The following GGNBP2 variants were observed in gnomAD, a reference collection of about 807,000 sequenced individuals.
GGNBP2 encodes gametogenetin-binding protein 2.
Under a neutral mutation model 85.9 loss-of-function variants are expected in GGNBP2, and 10 were observed. The observed-to-expected ratio is 0.12, with a 90% CI of 0.07 to 0.20. The LOEUF (loss-of-function observed/expected upper bound fraction) is 0.20, where lower values mean the gene tolerates loss of function less well. GGNBP2 is among the 10% of genes least tolerant of loss of function. The probability of loss-of-function intolerance (pLI) is 1.00; values close to 1 mark genes in which losing one functional copy is unlikely to be tolerated. For synonymous variants in GGNBP2, 287 were observed against 285.7 expected (o/e 1.00, Z -0.05); for missense variants, 595 against 857.8 (o/e 0.69, Z 3.83).
intron 12 of GGNBP2, chr17:36,586,412 A>C (rs1016035711): frequency 5.3e-6 from 3 of 564,098 alleles, no homozygotes; most frequent in African/African-American, 3.7e-5. Context: ...TGAGTCAGAA[A>C]TTCAATTGTT....
chr17:36,567,863 TA>T lies in GGNBP2; in HGVS notation c.641+89del, dbSNP rs922969522. The T allele has an allele frequency of 2.3e-5, 15 of 656,102 alleles. No homozygotes were observed. The African/African-American group carries it at 2.8e-4, about 12-fold the overall frequency. 40.6% of individuals were successfully genotyped at this position (656,102 alleles called of 1,614,324 possible). A position where few individuals can be genotyped will look rare whatever the true frequency, so the allele number is the denominator to read the frequency against. On this transcript the variant is annotated intron_variant, in intron 6 of 13. Transcript: ENST00000613102. ...TGGCCTGTCACTGAACTCCTTTGTA[TA>T]ATAGCATTCTAGCCTTCCCTTTAAT...
At chr17:36,585,254 T>TTA in intron 9 of GGNBP2, 46 bp from the exon 10 acceptor site, 1 of 1,528,784 alleles carries the variant, frequency 6.5e-7, no homozygotes, top group African/African-American at 1.4e-5. Flanking sequence ...AATGTAGCTG[T>TTA]TATGGAGTAA....
intron 2 of GGNBP2, among the ~76,000 whole-genome samples, chr17:36,552,848 C>A (rs575885931): frequency 6.6e-6 from 1 of 152,186 alleles, no homozygotes; most frequent in African/African-American, 2.4e-5. Context: ...TGGCAAAACC[C>A]TGTTTCTACT....
intron 6 of GGNBP2, among the ~76,000 whole-genome samples, chr17:36,571,759 C>A (rs1276076530): frequency 6.6e-6 from 1 of 152,126 alleles, no homozygotes; most frequent in African/African-American, 2.4e-5. Context: ...AGGAGAATGG[C>A]GTGAACCGAG....
chr17:36,587,326 A>C, intron 13 of GGNBP2, 81 bp downstream of exon 13: 1 of 1,424,790 alleles, frequency 7.0e-7, no homozygotes. Flanking sequence ...TTGAGGGCTT[A>C]AGGTAGGTAG....
chr17:36,561,912 C>T (rs1274605096), intron 5 of GGNBP2, among the ~76,000 whole-genome samples: 2 of 152,020 alleles, frequency 1.3e-5, no homozygotes, highest in Non-Finnish European at 2.9e-5. Flanking sequence ...CGTGAGCCAC[C>T]GCGCCCGGCC....
At chr17:36,586,590 T>A (rs1396843182) in intron 12 of GGNBP2, 1 of 258,790 alleles carries the variant, frequency 3.9e-6, no homozygotes, top group South Asian at 5.7e-5. Flanking sequence ...CTGCTACTAT[T>A]ACTTAGTATT....
chr17:36,576,076 G>A (rs1191063743), intron 6 of GGNBP2, among the ~76,000 whole-genome samples: 2 of 147,042 alleles, frequency 1.4e-5, no homozygotes, highest in South Asian at 2.3e-4. Context: ...GGTGGCTGAT[G>A]CTTGTAATCC....
intron 2 of GGNBP2, 50 bp from the exon 3 acceptor site, chr17:36,554,770 T>C (rs752048833): frequency 2.4e-5 from 27 of 1,125,608 alleles, no homozygotes; most frequent in Non-Finnish European, 3.4e-5. Context: ...GGCTGTATCC[T>C]GTTCTCAGAG....
intron 9 of GGNBP2, among the ~76,000 whole-genome samples, chr17:36,584,647 C>A (rs989599397): frequency 2.0e-5 from 3 of 152,218 alleles, no homozygotes; most frequent in Non-Finnish European, 4.4e-5. Flanking sequence ...CCCACATAGA[C>A]TGTCAAAAAG....
chr17:36,546,905 G>A (rs1000267841), intron 2 of GGNBP2: 1 of 152,070 alleles, frequency 6.6e-6, no homozygotes, highest in African/African-American at 2.4e-5. Flanking sequence ...TTGTAGAGAT[G>A]CCAGTCTATG....
chr17:36,558,414 CAAAA>C (rs755597241), intron 4 of GGNBP2, among the ~76,000 whole-genome samples: 2 of 18,962 alleles, frequency 1.1e-4, no homozygotes, highest in Admixed American at 6.4e-4. Context: ...AGCTCCATCT[CAAAA>C]AAAAAAAAAA....
At chr17:36,553,797 T>C (rs2074333918) in intron 2 of GGNBP2, among the ~76,000 whole-genome samples, 1 of 152,216 alleles carries the variant, frequency 6.6e-6, no homozygotes, top group African/African-American at 2.4e-5. Context: ...TGCTTGAATT[T>C]GATGACATCT....
chr17:36,568,787 C>T (rs1232229823), intron 6 of GGNBP2, among the ~76,000 whole-genome samples: 5 of 150,720 alleles, frequency 3.3e-5, no homozygotes, highest in African/African-American at 7.3e-5. Flanking sequence ...GACGAAGTCT[C>T]GCTCTGTTGC....
At chr17:36,554,747 T>G in intron 2 of GGNBP2, 73 bp from the exon 3 acceptor site, 1 of 1,001,770 alleles carries the variant, frequency 1.0e-6, no homozygotes, top group Non-Finnish European at 1.6e-6. Flanking sequence ...CGGGTCTATT[T>G]CTGGAGTTTG....
chr17:36,578,298 T>A, intron 7 of GGNBP2, 112 bp downstream of exon 7: 1 of 767,038 alleles, frequency 1.3e-6, no homozygotes, highest in Non-Finnish European at 2.1e-6. Context: ...ATGTATAAAT[T>A]AAAGTATGCC....
chr17:36,548,662 G>C (rs182719736), intron 2 of GGNBP2, among the ~76,000 whole-genome samples: 4 of 121,894 alleles, frequency 3.3e-5, no homozygotes, highest in South Asian at 5.4e-4. Flanking sequence ...AGTAGCCTTA[G>C]GCCCGGTGCT....
intron 2 of GGNBP2, among the ~76,000 whole-genome samples, chr17:36,553,987 G>A (rs1218122126): frequency 6.6e-6 from 1 of 152,040 alleles, no homozygotes; most frequent in Non-Finnish European, 1.5e-5. Context: ...ATATCAATGT[G>A]CCCTTTTTGT....
chr17:36,566,397 C>A (rs529617235), intron 5 of GGNBP2, among the ~76,000 whole-genome samples: 44 of 152,142 alleles, frequency 2.9e-4, no homozygotes, highest in African/African-American at 1.1e-3. Context: ...TGGTGGCTCA[C>A]GCCTGTAATC....
Sources: allele counts gnomAD v4.1 joint callset (sites outside exome capture counted in the v4.1 genomes callset), GRCh38; gene constraint gnomAD v4.1.1; transcripts MANE v1.5; gene names NCBI Gene and HGNC (gene_info 2026-07-23, HGNC 2026-07-21).